The following NEBL variants were observed in gnomAD, a reference collection of about 807,000 sequenced individuals.
NEBL encodes nebulette.
Under a neutral mutation model 140.2 loss-of-function variants are expected in NEBL, and 122 were observed. That is an observed-to-expected ratio of 0.87 (90% CI 0.75 to 1.01). The LOEUF (loss-of-function observed/expected upper bound fraction) is 1.01. Ranked by LOEUF, NEBL falls within the 50% of genes least tolerant of loss-of-function variation. The pLI is 0.00. For synonymous variants in NEBL, 436 were observed against 398.9 expected (o/e 1.09, Z -1.11); for missense variants, 1,365 against 1,231.3 (o/e 1.11, Z -1.62).
chr10:21,046,006 TACAC>T (rs61617438), intron 2 of NEBL, among the ~76,000 whole-genome samples: 6 of 150,100 alleles, frequency 4.0e-5, no homozygotes, highest in South Asian at 2.1e-4. Flanking sequence ...AAAAATGTGG[TACAC>T]ACACACACAC....
intron 3 of NEBL, among the ~76,000 whole-genome samples, chr10:20,963,042 ACACACG>A (rs1465782923): frequency 1.3e-5 from 2 of 148,238 alleles, no homozygotes; most frequent in Non-Finnish European, 3.0e-5. Context: ...ACACACACAC[ACACACG>A]GAAATCTAGA....
At chr10:21,042,014 C>T (rs765567502) in intron 2 of NEBL, among the ~76,000 whole-genome samples, 14 of 152,128 alleles carry the variant, frequency 9.2e-5, no homozygotes, top group Non-Finnish European at 1.5e-4. Context: ...GGGTTTTGTC[C>T]GGCTTCTTTA....
intron 2 of NEBL, among the ~76,000 whole-genome samples, chr10:21,046,844 C>T (rs929247967): frequency 3.9e-5 from 6 of 152,134 alleles, no homozygotes; most frequent in Admixed American, 6.5e-5. Flanking sequence ...CCTGGTGATC[C>T]GCCTGCCTCA....
At chr10:21,213,631 A>G (rs1841948777) in intron 3 of NEBL, among the ~76,000 whole-genome samples, 1 of 152,218 alleles carries the variant, frequency 6.6e-6, no homozygotes, top group South Asian at 2.1e-4. Context: ...GAATGTCCCG[A>G]GGCAGGGAAC....
intron 3 of NEBL, among the ~76,000 whole-genome samples, chr10:21,208,585 C>T (rs1291557465): frequency 6.6e-6 from 1 of 152,172 alleles, no homozygotes; most frequent in Non-Finnish European, 1.5e-5. Context: ...GCTCATGTTA[C>T]AGAACAGTGA....
At chr10:21,215,801 T>C (rs567331265) in intron 3 of NEBL, among the ~76,000 whole-genome samples, 1 of 152,260 alleles carries the variant, frequency 6.6e-6, no homozygotes, top group Admixed American at 6.5e-5. Context: ...AATGGGACCA[T>C]AGGCATGTGC....
At chr10:21,227,243 C>G (rs989269826) in intron 3 of NEBL, among the ~76,000 whole-genome samples, 11 of 152,124 alleles carry the variant, frequency 7.2e-5, no homozygotes, top group African/African-American at 2.7e-4. Context: ...CTTTTCAGGA[C>G]ATCCTCCTTG....
chr10:21,100,061 C>T (rs1837400600), intron 2 of NEBL, among the ~76,000 whole-genome samples: 2 of 152,128 alleles, frequency 1.3e-5, no homozygotes, highest in Non-Finnish European at 2.9e-5. Context: ...GAAACAAAAC[C>T]CCAAAACAGG....
intron 4 of NEBL, among the ~76,000 whole-genome samples, chr10:20,941,891 G>A (rs1834889312): frequency 6.6e-6 from 1 of 151,808 alleles, no homozygotes; most frequent in Non-Finnish European, 1.5e-5. Context: ...GGGATGTGAA[G>A]GACCTCTTCA....
intron 2 of NEBL, among the ~76,000 whole-genome samples, chr10:20,892,317 T>C (rs1274964969): frequency 6.6e-6 from 1 of 152,236 alleles, no homozygotes; most frequent in Non-Finnish European, 1.5e-5. Context: ...TGTGACATTC[T>C]GTCTTCCACA....
intron 1 of NEBL, among the ~76,000 whole-genome samples, chr10:21,275,415 A>T (rs527622817): frequency 9.2e-5 from 14 of 152,180 alleles, no homozygotes; most frequent in Non-Finnish European, 1.3e-4. Flanking sequence ...CTTAAGTGGG[A>T]TGACTCCAAA....
chr10:21,241,766 A>T (rs1329925754), intron 3 of NEBL, among the ~76,000 whole-genome samples: 1 of 152,210 alleles, frequency 6.6e-6, no homozygotes, highest in Non-Finnish European at 1.5e-5. Context: ...CAGGGTGGTG[A>T]CAATGCTATC....
At chr10:20,840,324 T>C (rs1841294405) in intron 13 of NEBL, among the ~76,000 whole-genome samples, 1 of 152,080 alleles carries the variant, frequency 6.6e-6, no homozygotes. Context: ...TTTCATTTGA[T>C]AAAGAGGCTG....
At chr10:20,992,765 C>CTTTTTTTTTTTTTTTTTTTTTT (rs35627113) in intron 3 of NEBL, among the ~76,000 whole-genome samples, 1 of 52,452 alleles carries the variant, frequency 1.9e-5, no homozygotes, top group African/African-American at 8.5e-5. Flanking sequence ...ACTACAAAGT[C>CTTTTTTTTTTTTTTTTTTTTTT]TTTTTTTTTT....
At chr10:21,229,257 C>T (rs1842211979) in intron 3 of NEBL, among the ~76,000 whole-genome samples, 2 of 152,156 alleles carry the variant, frequency 1.3e-5, no homozygotes, top group Admixed American at 1.3e-4. Context: ...CCTACCTCTA[C>T]TAAAAATATA....
chr10:20,787,403 A>G, intron 26 of NEBL, 95 bp from the exon 27 acceptor site: 3 of 986,950 alleles, frequency 3.0e-6, no homozygotes, highest in Non-Finnish European at 4.7e-6. Flanking sequence ...CTCTGCTAGA[A>G]GCTTCTGAAA....
chr10:20,811,112 T>G (rs2130777693), intron 24 of NEBL, among the ~76,000 whole-genome samples: 1 of 152,276 alleles, frequency 6.6e-6, no homozygotes, highest in South Asian at 2.1e-4. Context: ...TGTTGGCCAA[T>G]TATGGAAATT....
At chr10:21,169,067 AATATATATAT>A (rs1176763018) in intron 2 of NEBL, among the ~76,000 whole-genome samples, 290 of 22,974 alleles carry the variant, frequency 0.013, 4 homozygotes, top group Admixed American at 0.017. Context: ...AAAAAAAAAA[AATATATATAT>A]ATATATATAT....
intron 1 of NEBL, among the ~76,000 whole-genome samples, chr10:21,260,399 T>C (rs925301135): frequency 1.3e-5 from 2 of 152,254 alleles, no homozygotes; most frequent in Admixed American, 6.5e-5. Context: ...TTCTTTATTC[T>C]ATCATTATGT....
Sources: allele counts gnomAD v4.1 joint callset (sites outside exome capture counted in the v4.1 genomes callset), GRCh38; gene constraint gnomAD v4.1.1; transcripts MANE v1.5; gene names NCBI Gene and HGNC (gene_info 2026-07-23, HGNC 2026-07-21).